Variants in MDGA2 observed in about 807,000 individuals in gnomAD.
MDGA2 encodes MAM domain-containing glycosylphosphatidylinositol anchor protein 2.
MDGA2 carries 40 observed loss-of-function variants against 117.8 expected under a neutral mutation model. The observed-to-expected ratio is 0.34, with a 90% confidence interval of 0.26 to 0.44. The LOEUF (loss-of-function observed/expected upper bound fraction) is 0.44. MDGA2 is among the 20% of genes least tolerant of loss of function. The probability of loss-of-function intolerance (pLI) is 1.00; values close to 1 mark genes in which losing one functional copy is unlikely to be tolerated. For missense variants in MDGA2, 1,123 were observed against 1,250.6 expected (o/e 0.90, Z 1.54); for synonymous variants, 452 against 439.0 (o/e 1.03, Z -0.37).
intron 1 of MDGA2, among the ~76,000 whole-genome samples, chr14:47,597,885 A>AC (rs1566533977): frequency 1.1e-4 from 15 of 136,308 alleles, no homozygotes; most frequent in African/African-American, 2.6e-4. Context: ...CACACACACA[A>AC]AACACAGAGT....
chr14:47,140,909 T>C (rs542219088), intron 4 of MDGA2, among the ~76,000 whole-genome samples: 1 of 152,090 alleles, frequency 6.6e-6, no homozygotes, highest in African/African-American at 2.4e-5. Flanking sequence ...ATGCATTTGA[T>C]AAGAGGTTAA....
chr14:47,323,215 T>G (rs1890041436), intron 1 of MDGA2, among the ~76,000 whole-genome samples: 1 of 143,180 alleles, frequency 7.0e-6, no homozygotes, highest in African/African-American at 2.6e-5. Context: ...ACAGATGACA[T>G]TTCGGTGACT....
intron 1 of MDGA2, among the ~76,000 whole-genome samples, chr14:47,347,879 G>T (rs1348868702): frequency 6.6e-6 from 1 of 152,156 alleles, no homozygotes; most frequent in Non-Finnish European, 1.5e-5. Flanking sequence ...AAAGTGCAAT[G>T]TTATAAAAGC....
intron 5 of MDGA2, among the ~76,000 whole-genome samples, chr14:47,119,647 T>C (rs748154270): frequency 1.3e-5 from 2 of 152,176 alleles, no homozygotes; most frequent in African/African-American, 4.8e-5. Context: ...AAGTTTAAAT[T>C]TGAAAGAAAA....
At chr14:46,941,616 C>T (rs566871870) in intron 9 of MDGA2, among the ~76,000 whole-genome samples, 1 of 152,122 alleles carries the variant, frequency 6.6e-6, no homozygotes, top group Non-Finnish European at 1.5e-5. Flanking sequence ...GATTCCTTCA[C>T]AGATTGGTTT....
intron 2 of MDGA2, among the ~76,000 whole-genome samples, chr14:47,286,611 C>A (rs1002650059): frequency 3.3e-5 from 5 of 151,870 alleles, no homozygotes; most frequent in African/African-American, 1.2e-4. Flanking sequence ...TTATACACTA[C>A]ATGTCCATTA....
intron 7 of MDGA2, among the ~76,000 whole-genome samples, chr14:47,037,992 C>T (rs991198770): frequency 2.0e-5 from 3 of 152,118 alleles, no homozygotes; most frequent in Admixed American, 2.0e-4. Flanking sequence ...TGCAGTGGTG[C>T]AATCTCTGCT....
At chr14:47,346,513 C>A (rs538323391) in intron 1 of MDGA2, among the ~76,000 whole-genome samples, 121 of 152,266 alleles carry the variant, frequency 7.9e-4, no homozygotes, top group African/African-American at 2.8e-3. Flanking sequence ...TTCTTTCTGA[C>A]CTTGGACAAA....
At chr14:47,070,636 C>T (rs1021678407) in intron 6 of MDGA2, among the ~76,000 whole-genome samples, 3 of 152,086 alleles carry the variant, frequency 2.0e-5, no homozygotes, top group African/African-American at 2.4e-5. Context: ...TACATAGTCT[C>T]GTTCTGTCAC....
At chr14:46,964,723 T>C (rs1452340080) in intron 8 of MDGA2, among the ~76,000 whole-genome samples, 4 of 152,162 alleles carry the variant, frequency 2.6e-5, no homozygotes, top group Non-Finnish European at 4.4e-5. Context: ...AGATTAATGA[T>C]ACTACAGTCA....
chr14:47,550,068 G>A (rs947576423), intron 1 of MDGA2, among the ~76,000 whole-genome samples: 2 of 152,016 alleles, frequency 1.3e-5, no homozygotes, highest in Non-Finnish European at 2.9e-5. Context: ...ACTTCCTGCT[G>A]GGTATTGCTT....
intron 9 of MDGA2, among the ~76,000 whole-genome samples, chr14:46,956,453 A>G (rs1885564930): frequency 6.6e-6 from 1 of 152,142 alleles, no homozygotes. Context: ...CTAATTTACT[A>G]TCTGTCAGAT....
chr14:47,607,175 C>T (rs1175009642), intron 1 of MDGA2, among the ~76,000 whole-genome samples: 3 of 152,100 alleles, frequency 2.0e-5, no homozygotes, highest in African/African-American at 4.8e-5. Flanking sequence ...TTTAGCAGAA[C>T]ACAAATTGCC....
intron 10 of MDGA2, among the ~76,000 whole-genome samples, chr14:46,883,351 T>C (rs1882539645): frequency 6.6e-6 from 1 of 151,998 alleles, no homozygotes; most frequent in Non-Finnish European, 1.5e-5. Context: ...AAAAACATAT[T>C]TCTACTAGAT....
Position 47,273,391 on chromosome 14 carries a change from G to A in MDGA2, c.420+28020C>T, listed in dbSNP as rs191242216. 2.2e-3 allele frequency among the ~76,000 whole-genome samples: 339 copies of A among 152,196 alleles called. 2 individuals carry two copies. Among genetic ancestry groups the A allele is most frequent in the African/African-American group, 7.6e-3 (315 of 41,536 alleles). The stretch of plus-strand genomic sequence containing the variant: ...TCCAGCTCTTTTGCTCAAGTATACT[G>A]AGGCAAGGAAAAGTCAGAGCAAACT... On this transcript the variant is annotated intron_variant, in intron 2 of 16. Transcript: ENST00000399232.
At chr14:47,405,532 G>A (rs746608343) in intron 1 of MDGA2, among the ~76,000 whole-genome samples, 5 of 152,046 alleles carry the variant, frequency 3.3e-5, no homozygotes, top group Admixed American at 6.6e-5. Context: ...ACTATTCCTC[G>A]CTGGTGGAAA....
At chr14:47,105,991 C>T (rs186730327) in intron 5 of MDGA2, among the ~76,000 whole-genome samples, 21,916 of 151,206 alleles carry the variant, frequency 0.14, 1,770 homozygotes, top group Non-Finnish European at 0.17. Context: ...AGCCCTCCCC[C>T]TCCTGCCCAG....
intron 5 of MDGA2, among the ~76,000 whole-genome samples, chr14:47,106,865 C>T (rs550694129): frequency 2.1e-5 from 3 of 140,690 alleles, no homozygotes; most frequent in African/African-American, 5.4e-5. Context: ...CTTAAAACTC[C>T]CCAACTCTGG....
chr14:47,013,858 A>T (rs1887990062), intron 8 of MDGA2, among the ~76,000 whole-genome samples: 1 of 144,270 alleles, frequency 6.9e-6, no homozygotes, highest in African/African-American at 2.5e-5. Flanking sequence ...GTACAATGGT[A>T]TGATCTCAGC....
Sources: gnomAD v4.1 joint callset for allele counts (sites outside exome capture counted in the v4.1 genomes callset) on GRCh38, gnomAD v4.1.1 for gene constraint, MANE v1.5 for transcripts, NCBI Gene and HGNC (gene_info 2026-07-23, HGNC 2026-07-21) for gene names.